USH2A: variants seen among roughly 807,000 people sequenced by gnomAD.
USH2A encodes the protein Usher syndrome 2A (autosomal recessive, mild).
USH2A carries 443 observed loss-of-function variants against 538.9 expected under a neutral mutation model. That is an observed-to-expected ratio of 0.82 (90% confidence interval 0.76 to 0.89). USH2A has a LOEUF of 0.89. USH2A is among the 40% of genes least tolerant of loss of function. USH2A has a pLI of 0.00. For synonymous variants in USH2A, 2,413 were observed against 2,273.5 expected (o/e 1.06, Z -1.75); for missense variants, 6,633 against 6,324.8 (o/e 1.05, Z -1.65).
At chr1:216,400,278 C>A (rs1212588645) in intron 3 of USH2A, among the ~76,000 whole-genome samples, 1 of 150,350 alleles carries the variant, frequency 6.7e-6, no homozygotes, top group Non-Finnish European at 1.5e-5. Flanking sequence ...AACATACAAC[C>A]ATTGAAACAA....
At chr1:215,912,489 A>ATG (rs1221476249) in intron 38 of USH2A, among the ~76,000 whole-genome samples, 1,993 of 19,966 alleles carry the variant, frequency 0.1, 68 homozygotes, top group African/African-American at 0.2. Context: ...ATATATATAT[A>ATG]TGTGTATATA....
intron 4 of USH2A, among the ~76,000 whole-genome samples, chr1:216,332,959 A>C (rs986543348): frequency 6.6e-6 from 1 of 152,132 alleles, no homozygotes; most frequent in Non-Finnish European, 1.5e-5. Context: ...AACAATATAC[A>C]GGGGAAGAAA....
rs115869868 is a variant in USH2A at position 216,113,689 on chromosome 1, T to G, written c.4628-16476A>C. On this transcript the variant is annotated intron_variant, in intron 21 of 71. Transcript: ENST00000307340. ...TCTGTCACTTGTTAAAGTCATTTACTTTTTTTTAACAATTGACTTTTAAAT... is the reference window on the plus strand; with the variant it reads ...TCTGTCACTTGTTAAAGTCATTTACGTTTTTTTAACAATTGACTTTTAAAT... 8.6e-3 allele frequency among the ~76,000 whole-genome samples: 1,303 copies of G among 152,022 alleles called. 7 individuals carry two copies. The highest frequency in any genetic ancestry group is 0.024 in the Middle Eastern group (7 of 294).
chr1:215,928,026 T>C (rs1284300953), intron 38 of USH2A, among the ~76,000 whole-genome samples: 1 of 152,126 alleles, frequency 6.6e-6, no homozygotes, highest in African/African-American at 2.4e-5. Flanking sequence ...TTCCAAGTTA[T>C]CACTGCCACA....
intron 61 of USH2A, among the ~76,000 whole-genome samples, chr1:215,687,649 C>T (rs1201951198): frequency 6.6e-6 from 1 of 152,004 alleles, no homozygotes; most frequent in Non-Finnish European, 1.5e-5. Flanking sequence ...AAATCAGTCA[C>T]ACTAAATATT....
chr1:215,817,426 G>A (rs1197089963), intron 47 of USH2A, among the ~76,000 whole-genome samples: 1 of 151,902 alleles, frequency 6.6e-6, no homozygotes, highest in Non-Finnish European at 1.5e-5. Flanking sequence ...AGAAGCAAGT[G>A]TCACTATGGC....
intron 13 of USH2A, among the ~76,000 whole-genome samples, chr1:216,242,559 A>G (rs1391994592): frequency 6.6e-6 from 1 of 151,948 alleles, no homozygotes; most frequent in African/African-American, 2.4e-5. Flanking sequence ...AAACAGAAAA[A>G]TGACTAGTTT....
chr1:216,419,290 G>A (rs2039636772), intron 2 of USH2A, among the ~76,000 whole-genome samples: 2 of 152,142 alleles, frequency 1.3e-5, no homozygotes, highest in African/African-American at 2.4e-5. Flanking sequence ...GAGGTACTGA[G>A]ATCATGTTAA....
rs1193999518 is a variant in USH2A at position 215,960,675 on chromosome 1, G to A, written c.7120+4642C>T. Reference sequence around the variant, plus strand: ...AAAAGTGCTAATCCTTACTTTTATGGTGGATGTTAGCAAATGGCAAAAATA... The same window carrying A: ...AAAAGTGCTAATCCTTACTTTTATGATGGATGTTAGCAAATGGCAAAAATA... On this transcript the variant is annotated intron_variant, in intron 37 of 71. Coordinates refer to ENST00000307340, the MANE Select transcript of USH2A (RefSeq NM_206933.4). 3.9e-5 allele frequency among the ~76,000 whole-genome samples: 6 copies of A among 152,090 alleles called. No individual in the cohort carries two copies. In the East Asian group the frequency reaches 1.2e-3, roughly 29 times the overall value.
intron 15 of USH2A, among the ~76,000 whole-genome samples, chr1:216,207,984 C>G (rs1216359484): frequency 6.6e-6 from 1 of 152,034 alleles, no homozygotes; most frequent in Non-Finnish European, 1.5e-5. Context: ...TTTGAATATA[C>G]TATATGAATG....
intron 37 of USH2A, among the ~76,000 whole-genome samples, chr1:215,947,382 A>G (rs896561462): frequency 6.6e-6 from 1 of 152,178 alleles, no homozygotes; most frequent in African/African-American, 2.4e-5. Context: ...TTACTTTTTT[A>G]AAATGTGCAT....
chr1:216,253,486 T>C (rs1257755666), intron 11 of USH2A, among the ~76,000 whole-genome samples: 2 of 152,190 alleles, frequency 1.3e-5, no homozygotes, highest in Admixed American at 6.5e-5. Flanking sequence ...CTTATTTACA[T>C]GTAATGCATG....
chr1:215,739,184 C>A (rs1019274435), intron 60 of USH2A, among the ~76,000 whole-genome samples: 3 of 152,120 alleles, frequency 2.0e-5, no homozygotes, highest in Non-Finnish European at 4.4e-5. Flanking sequence ...AAACAGGCTA[C>A]AATTATGATT....
At position 215,786,759 on chromosome 1, in the gene USH2A, T is replaced by C. The variant is rs367657221; in HGVS notation, c.10298A>G (p.Asn3433Ser). ...HICTVIRGSH[N>S]STGKASIEEM... Reference sequence around the variant, plus strand: ...TTCAATTGATGCCTTCCCTGTGGAATTGTGAGACCCTCTTATCACAGTGCA... The same window carrying C: ...TTCAATTGATGCCTTCCCTGTGGAACTGTGAGACCCTCTTATCACAGTGCA... Residue 3433 changes from asparagine to serine, a missense_variant, in exon 52 of 72, where the codon AAT (asparagine) becomes AGT (serine). Coordinates refer to ENST00000307340, the MANE Select transcript of USH2A (RefSeq NM_206933.4). 1.3e-5 allele frequency: 21 copies of C among 1,614,032 alleles called. No individual in the cohort carries two copies. Among genetic ancestry groups the C allele is most frequent in the Non-Finnish European group, 1.7e-5 (20 of 1,179,956 alleles).
rs1344231754 is a variant in USH2A at position 216,315,950 on chromosome 1, G to A, written c.1644+5933C>T. ...TTTGGATTTGTTTCACCCTAAATCA[G>A]TTCTAAAGTGAGCCTAGTAAATTAA... On this transcript the variant is annotated intron_variant, in intron 9 of 71. Coordinates refer to ENST00000307340, the MANE Select transcript of USH2A (RefSeq NM_206933.4). 2.6e-5 allele frequency among the ~76,000 whole-genome samples: 4 copies of A among 152,230 alleles called. No homozygotes were observed. In the East Asian group the frequency reaches 5.8e-4, roughly 22 times the overall value.
chr1:215,998,825 C>A (rs1393689003), intron 34 of USH2A, 62 bp downstream of exon 34: 9 of 1,561,752 alleles, frequency 5.8e-6, no homozygotes, highest in Middle Eastern at 1.7e-4. Context: ...AAAGATGGAC[C>A]ACGGGAAGGG....
At chr1:216,165,110 C>CATG (rs751890115) in intron 21 of USH2A, among the ~76,000 whole-genome samples, 4 of 152,156 alleles carry the variant, frequency 2.6e-5, no homozygotes, top group Non-Finnish European at 4.4e-5. Context: ...ATTCAATCAG[C>CATG]ATGATGCTGT....
At chr1:215,802,934 A>G (rs1035018530) in intron 49 of USH2A, among the ~76,000 whole-genome samples, 1 of 152,190 alleles carries the variant, frequency 6.6e-6, no homozygotes, top group Admixed American at 6.6e-5. Context: ...TTCGACCTTA[A>G]AAAGGAATAA....
intron 21 of USH2A, among the ~76,000 whole-genome samples, chr1:216,120,465 C>T (rs1012800900): frequency 2.0e-5 from 3 of 151,714 alleles, no homozygotes; most frequent in Admixed American, 6.6e-5. Flanking sequence ...CTGCAAGCTC[C>T]GCCTCCCGGG....
Sources: gnomAD v4.1 joint callset for allele counts (sites outside exome capture counted in the v4.1 genomes callset) on GRCh38, gnomAD v4.1.1 for gene constraint, MANE v1.5 for transcripts, NCBI Gene and HGNC (gene_info 2026-07-23, HGNC 2026-07-21) for gene names.